LRMDA: variants seen among roughly 807,000 people sequenced by gnomAD.
LRMDA encodes leucine rich melanocyte differentiation associated.
In LRMDA, 18 loss-of-function variants were observed where a neutral mutation model predicts 29.8. The observed-to-expected ratio is 0.60, with a 90% CI of 0.42 to 0.90. LRMDA has a LOEUF of 0.90. Among genes scored for constraint, LRMDA ranks in the 40% least tolerant of loss-of-function variants. The pLI is 0.00. For synonymous variants in LRMDA, 125 were observed against 109.4 expected, an observed-to-expected ratio of 1.14 and a Z score of -0.89; for missense variants, 273 against 273.9, an observed-to-expected ratio of 1.00 and a Z score of 0.02.
chr10:76,134,969 A>G (rs1850066606), intron 5 of LRMDA, among the ~76,000 whole-genome samples: 1 of 152,204 alleles, frequency 6.6e-6, no homozygotes, highest in Admixed American at 6.5e-5. Context: ...CCAGGAGAAT[A>G]TTTCTGCGGC....
intron 2 of LRMDA, among the ~76,000 whole-genome samples, chr10:75,534,081 A>G (rs1258853146): frequency 2.6e-5 from 4 of 152,208 alleles, no homozygotes; most frequent in South Asian, 2.1e-4. Context: ...CCTGGCATCA[A>G]CAGGCTCTCT....
At chr10:75,612,684 G>A (rs1841047224) in intron 2 of LRMDA, among the ~76,000 whole-genome samples, 1 of 149,056 alleles carries the variant, frequency 6.7e-6, no homozygotes, top group Non-Finnish European at 1.5e-5. Context: ...ATATTTTTGA[G>A]TAGTGGATTT....
At chr10:75,754,967 T>C (rs2132222792) in intron 2 of LRMDA, among the ~76,000 whole-genome samples, 1 of 152,302 alleles carries the variant, frequency 6.6e-6, no homozygotes, top group East Asian at 1.9e-4. Context: ...ATGAATCTAA[T>C]TTTTCAAGGA....
intron 2 of LRMDA, among the ~76,000 whole-genome samples, chr10:75,867,772 T>C (rs190469472): frequency 6.6e-4 from 100 of 152,310 alleles, no homozygotes; most frequent in African/African-American, 2.3e-3. Flanking sequence ...TGCTGTGATT[T>C]GCAGACCTAT....
At chr10:75,499,751 G>T (rs1031393999) in intron 2 of LRMDA, among the ~76,000 whole-genome samples, 2 of 152,076 alleles carry the variant, frequency 1.3e-5, no homozygotes, top group African/African-American at 4.8e-5. Context: ...GCATTGGGGT[G>T]GTCATAGGAG....
intron 2 of LRMDA, among the ~76,000 whole-genome samples, chr10:75,463,828 C>T (rs996782395): frequency 9.2e-5 from 14 of 152,078 alleles, no homozygotes; most frequent in East Asian, 7.7e-4. Context: ...CTACCAGGTT[C>T]GGCTAATTTT....
intron 2 of LRMDA, among the ~76,000 whole-genome samples, chr10:75,859,311 A>G (rs1844879041): frequency 6.6e-6 from 1 of 152,000 alleles, no homozygotes; most frequent in African/African-American, 2.4e-5. Flanking sequence ...GGTGATTTTT[A>G]TCAGTACTCA....
In LRMDA at chr10:75,669,554, CA is replaced by C. The variant is rs1271870804; in HGVS notation, c.131+231061del. Among the ~76,000 whole-genome samples the C allele has an allele frequency of 3.9e-5, 6 of 152,210 alleles. No individual in the cohort carries two copies. In the East Asian group the frequency reaches 1.2e-3, roughly 29 times the overall value. On this transcript the variant is annotated intron_variant, in intron 2 of 6. Coordinates refer to ENST00000611255, the MANE Select transcript of LRMDA (RefSeq NM_001305581.2). ...ATCACAAACATTGATCTGCCCTTGA[CA>C]GTACTTTAGACTTTTACAGTAAATT...
intron 5 of LRMDA, among the ~76,000 whole-genome samples, chr10:76,181,913 G>A (rs1329845237): frequency 6.6e-6 from 1 of 152,182 alleles, no homozygotes; most frequent in African/African-American, 2.4e-5. Context: ...AGATGGGGCT[G>A]AGTTTTAGGA....
chr10:75,878,373 A>C (rs929124285), intron 2 of LRMDA, among the ~76,000 whole-genome samples: 2 of 151,732 alleles, frequency 1.3e-5, no homozygotes, highest in Non-Finnish European at 2.9e-5. Context: ...GGGGAGCCAG[A>C]AGGGGGGCAT....
chr10:75,556,628 T>G (rs1840216394), intron 2 of LRMDA, among the ~76,000 whole-genome samples: 1 of 152,160 alleles, frequency 6.6e-6, no homozygotes, highest in Admixed American at 6.6e-5. Flanking sequence ...TTAAAAAATC[T>G]ACATGGCTAT....
intron 2 of LRMDA, among the ~76,000 whole-genome samples, chr10:75,700,821 C>G (rs966751890): frequency 6.6e-6 from 1 of 151,990 alleles, no homozygotes; most frequent in Non-Finnish European, 1.5e-5. Flanking sequence ...AAACAGGGTC[C>G]TAGGTTAAGC....
intron 2 of LRMDA, among the ~76,000 whole-genome samples, chr10:76,014,574 T>A (rs1847851480): frequency 6.6e-6 from 1 of 152,158 alleles, no homozygotes; most frequent in Admixed American, 6.5e-5. Context: ...GAAGCCAAGG[T>A]TGACACCATC....
chr10:75,814,161 G>C (rs1379751754), intron 2 of LRMDA, among the ~76,000 whole-genome samples: 1 of 152,230 alleles, frequency 6.6e-6, no homozygotes, highest in Non-Finnish European at 1.5e-5. Flanking sequence ...TGAAGATCCT[G>C]CTTTTCTGTC....
intron 2 of LRMDA, among the ~76,000 whole-genome samples, chr10:75,729,095 G>A (rs761354616): frequency 2.6e-5 from 4 of 152,094 alleles, no homozygotes; most frequent in Admixed American, 1.3e-4. Context: ...TTGCCACATC[G>A]CAGGACTGGT....
intron 6 of LRMDA, among the ~76,000 whole-genome samples, chr10:76,406,278 G>A (rs548185218): frequency 6.6e-6 from 1 of 152,268 alleles, no homozygotes; most frequent in East Asian, 1.9e-4. Context: ...CTGTTCTGTG[G>A]CATCTTCATT....
chr10:75,661,032 A>T (rs1285191220), intron 2 of LRMDA, among the ~76,000 whole-genome samples: 1 of 152,160 alleles, frequency 6.6e-6, no homozygotes, highest in East Asian at 1.9e-4. Flanking sequence ...GGCTACCCAG[A>T]TTCTCACACC....
intron 2 of LRMDA, chr10:75,647,681 C>T (rs1408682116): frequency 6.6e-6 from 1 of 152,108 alleles, no homozygotes; most frequent in Admixed American, 6.6e-5. Context: ...AAATAGTAAC[C>T]AACTTGAGAT....
chr10:75,531,114 C>T (rs2132042963), intron 2 of LRMDA, among the ~76,000 whole-genome samples: 1 of 152,270 alleles, frequency 6.6e-6, no homozygotes, highest in Admixed American at 6.5e-5. Context: ...GTGCCAGGCA[C>T]TGTGCTGGTC....
Sources: allele counts gnomAD v4.1 joint callset (sites outside exome capture counted in the v4.1 genomes callset), GRCh38; gene constraint gnomAD v4.1.1; transcripts MANE v1.5; gene names NCBI Gene and HGNC (gene_info 2026-07-23, HGNC 2026-07-21).